CCDC80: variants seen among roughly 807,000 people sequenced by gnomAD.
CCDC80 encodes the protein coiled-coil domain containing 80, also known as coiled-coil domain-containing protein 80.
Under a neutral mutation model 78.7 loss-of-function variants are expected in CCDC80, and 49 were observed. The observed-to-expected ratio is 0.62, with a 90% CI of 0.50 to 0.79. CCDC80 has a LOEUF of 0.79. CCDC80 is among the 30% of genes least tolerant of loss of function. The pLI is 0.00. For synonymous variants in CCDC80, 488 were observed against 447.0 expected (o/e 1.09, Z -1.16); for missense variants, 1,205 against 1,198.6 (o/e 1.01, Z -0.08).
chr3:112,620,016 TATG>T (rs141959065), intron 3 of CCDC80, among the ~76,000 whole-genome samples: 14,827 of 152,210 alleles, frequency 0.097, 823 homozygotes, highest in South Asian at 0.23. Context: ...TTAGCAAATA[TATG>T]ATAACAGGAA....
At position 112,625,727 on chromosome 3, in the gene CCDC80, T is replaced by A. The variant is rs184534187; in HGVS notation, c.2035+4386A>T. Among the ~76,000 whole-genome samples, 634 of 152,204 alleles carry A rather than the reference T, an allele frequency of 4.2e-3. 3 individuals carry two copies. The highest frequency in any genetic ancestry group is 0.014 in the Middle Eastern group (4 of 294). On this transcript the variant is annotated intron_variant, in intron 3 of 7. Transcript: ENST00000206423. ...TGTATTTGTCTAAAAAAGTACTAAA[T>A]GAATAAATAAGGAATTAACAAAAAT... is the stretch of plus-strand genomic sequence containing the variant.
At chr3:112,627,604 G>A (rs1406742937) in intron 3 of CCDC80, among the ~76,000 whole-genome samples, 1 of 152,204 alleles carries the variant, frequency 6.6e-6, no homozygotes, top group Non-Finnish European at 1.5e-5. Flanking sequence ...CCAGCTGAAA[G>A]TCAGTCAAGG....
chr3:112,629,425 T>C (rs1936050634), intron 3 of CCDC80, among the ~76,000 whole-genome samples: 1 of 152,168 alleles, frequency 6.6e-6, no homozygotes, highest in Non-Finnish European at 1.5e-5. Context: ...CTTCTGACTA[T>C]GAGGCTTAAC....
chr3:112,634,875 T>C (rs968715753), intron 2 of CCDC80, among the ~76,000 whole-genome samples: 3 of 152,194 alleles, frequency 2.0e-5, no homozygotes, highest in Non-Finnish European at 4.4e-5. Context: ...CTTCACCACA[T>C]ATTAGCTATA....
At position 112,619,046 on chromosome 3, in the gene CCDC80, G is replaced by A. The variant is rs1439997066; in HGVS notation, c.2094C>T (p.Ile698=). The A allele has an allele frequency of 6.2e-7, 1 of 1,611,170 alleles. No homozygotes were observed. Among genetic ancestry groups the A allele is most frequent in the South Asian group, 1.1e-5 (1 of 90,276 alleles). Residue 698 remains isoleucine, a synonymous_variant, in exon 4 of 8, where the codon ATC becomes ATT. Coordinates refer to ENST00000206423, the MANE Select transcript of CCDC80 (RefSeq NM_199511.3). ...TTCCGTACTCTTTCCTCAGCTCGCTGATGAGACGCTGGTCTACCAAGTCTT... is the reference window on the plus strand; with the variant it reads ...TTCCGTACTCTTTCCTCAGCTCGCTAATGAGACGCTGGTCTACCAAGTCTT... ...DDEDLVDQRL[I]SELRKEYGMT...
intron 6 of CCDC80, among the ~76,000 whole-genome samples, chr3:112,608,182 A>G (rs1935551472): frequency 1.3e-5 from 2 of 152,234 alleles, no homozygotes; most frequent in Non-Finnish European, 2.9e-5. Context: ...TCAAGCCATC[A>G]TATCAAGCTT....
chr3:112,630,414 G>T, intron 2 of CCDC80, 145 bp from the exon 3 acceptor site: 1 of 763,732 alleles, frequency 1.3e-6, no homozygotes. Flanking sequence ...AGCATAATTA[G>T]GACCAAAAAG....
At position 112,638,122 on chromosome 3, in the gene CCDC80, C is replaced by T. The variant is rs1936248791; in HGVS notation, c.1784G>A (p.Gly595Asp). The change falls in exon 2 of 8, where the codon GGC (glycine) becomes GAC (aspartate). Residue 595 changes from glycine to aspartate, a missense_variant. Coordinates refer to ENST00000206423, the MANE Select transcript of CCDC80 (RefSeq NM_199511.3). ...KKKGGKTEQD[G>D]YQKPTNKHFT... ...GTGTTTGTTGGTGGGTTTCTGATAGCCATCCTGTTCTGTTTTACCTCCTTT... is the reference window on the plus strand; with the variant it reads ...GTGTTTGTTGGTGGGTTTCTGATAGTCATCCTGTTCTGTTTTACCTCCTTT... The T allele has an allele frequency of 2.5e-6, 4 of 1,614,138 alleles. No homozygotes were observed. The highest frequency in any genetic ancestry group is 3.4e-6 in the Non-Finnish European group (4 of 1,180,018).
intron 3 of CCDC80, among the ~76,000 whole-genome samples, chr3:112,625,767 G>T (rs1307304053): frequency 6.6e-6 from 1 of 152,134 alleles, no homozygotes; most frequent in Admixed American, 6.5e-5. Flanking sequence ...ACCTGTGGGT[G>T]CAGGGAGTAG....
In CCDC80 at chr3:112,639,459, G is replaced by T; in HGVS notation, c.447C>A (p.Asn149Lys). 6.2e-7 allele frequency: 1 copy of T among 1,614,174 alleles called. No individual in the cohort carries two copies. Among genetic ancestry groups the T allele is most frequent in the Non-Finnish European group, 8.5e-7 (1 of 1,180,040 alleles). The change falls in exon 2 of 8, where the codon AAC becomes AAA. Residue 149 changes from asparagine (N) to lysine (K), a missense_variant. Asn to Lys is a moderately conservative substitution (Grantham distance 94). Coordinates refer to ENST00000206423, the MANE Select transcript of CCDC80 (RefSeq NM_199511.3). ...GAGGGGCTGAGATGACCCATACTCT[G>T]TTCTTCCCTGCAAAGCTGGCAAGGA... ...PNILASFAGK[N>K]RVWVISAPHA...
At chr3:112,628,635 C>T (rs1039205377) in intron 3 of CCDC80, among the ~76,000 whole-genome samples, 1 of 152,156 alleles carries the variant, frequency 6.6e-6, no homozygotes, top group Non-Finnish European at 1.5e-5. Flanking sequence ...TTAAATCTGT[C>T]TGTCTCCAGA....
chr3:112,639,354 G>A lies in CCDC80; in HGVS notation c.552C>T (p.Ile184=), dbSNP rs150275337. 103 of 1,614,130 alleles carry A rather than the reference G, an allele frequency of 6.4e-5. 1 individual carries two copies. In the Middle Eastern group the frequency reaches 2.3e-3, roughly 36 times the overall value. ...CCTGGTGGAAGAGCACAATCTGTTGGATGTGCCTCTCCGCCAGCTCACAGT... is the reference window on the plus strand; with the variant it reads ...CCTGGTGGAAGAGCACAATCTGTTGAATGTGCCTCTCCGCCAGCTCACAGT... ...DVYCELAERH[I]QQIVLFHQAG... Residue 184 remains isoleucine (I), a synonymous_variant, in exon 2 of 8, where the codon ATC becomes ATT. Coordinates refer to ENST00000206423, the MANE Select transcript of CCDC80 (RefSeq NM_199511.3).
chr3:112,602,754 G>A lies in CCDC80; in HGVS notation c.*2663C>T, dbSNP rs752389572. 2 of 152,264 alleles carry A rather than the reference G, an allele frequency of 1.3e-5. No homozygotes were observed. Among genetic ancestry groups the A allele is most frequent in the Non-Finnish European group, 1.5e-5 (1 of 68,084 alleles). 9.4% of individuals were successfully genotyped at this position (152,264 alleles called of 1,614,324 possible). ...GAAGGTAGCAGAGTCTGGTTCATGA[G>A]TTTGAAGAAAAGAAGCCTTGTGCAT... is the stretch of plus-strand genomic sequence containing the variant. On this transcript the variant is annotated 3_prime_UTR_variant, in exon 8 of 8. Transcript: ENST00000206423.
Position 112,636,318 on chromosome 3 carries a change from G to C in CCDC80, c.1878+1710C>G, listed in dbSNP as rs1203132061. ...TGGGAACATTCCCATTTAAATATAT[G>C]TACTCTGAGAATATCCAAGCGACCT... On this transcript the variant is annotated intron_variant, in intron 2 of 7. Transcript: ENST00000206423. 2.0e-5 allele frequency among the ~76,000 whole-genome samples: 3 copies of C among 150,484 alleles called. No individual in the cohort carries two copies. In the South Asian group the frequency reaches 6.2e-4, roughly 31 times the overall value.
intron 7 of CCDC80, 24 bp from the exon 8 acceptor site, chr3:112,605,787 T>C: frequency 1.3e-6 from 2 of 1,578,452 alleles, no homozygotes; most frequent in African/African-American, 1.3e-5. Context: ...GGAATAGTTA[T>C]TGTTAGTAGA....
chr3:112,606,861 T>C (rs1417678105), intron 7 of CCDC80, among the ~76,000 whole-genome samples: 1 of 152,054 alleles, frequency 6.6e-6, no homozygotes, highest in African/African-American at 2.4e-5. Context: ...TGATATAAAA[T>C]AGAAGAAAAT....
intron 2 of CCDC80, 36 bp from the exon 3 acceptor site, chr3:112,630,305 T>G: frequency 6.2e-7 from 1 of 1,605,308 alleles, no homozygotes; most frequent in East Asian, 2.2e-5. Flanking sequence ...TACTCATTTA[T>G]AGTGATAGTT....
chr3:112,610,049 G>A lies in CCDC80; in HGVS notation c.2354C>T (p.Ser785Phe), dbSNP rs867954025. 3.7e-6 allele frequency: 6 copies of A among 1,613,892 alleles called. No homozygotes were observed. The Middle Eastern group carries it at 6.6e-4, about 177-fold the overall frequency. ...FRWRRRLLVI[S>F]APNDEDWAYS... ...GGCCCAGTCTTCATCGTTAGGAGCA[G>A]AGATCACCAGCAACCTCCTCCTCCA... The change falls in exon 6 of 8, where the codon TCT (serine) becomes TTT (phenylalanine). Residue 785 changes from serine to phenylalanine, a missense_variant. Ser to Phe is a radical substitution (Grantham distance 155, BLOSUM62 -2). Transcript: ENST00000206423.
At position 112,603,235 on chromosome 3, in the gene CCDC80, T is replaced by C. The variant is rs1344092502; in HGVS notation, c.*2182A>G. On this transcript the variant is annotated 3_prime_UTR_variant, in exon 8 of 8. Coordinates refer to ENST00000206423, the MANE Select transcript of CCDC80 (RefSeq NM_199511.3). Reference sequence around the variant, plus strand: ...AAAAAAAAAGAATCTTTTAAAAATATTGCTGTTCGGGCCGGGCGCAGTGGC... The same window carrying C: ...AAAAAAAAAGAATCTTTTAAAAATACTGCTGTTCGGGCCGGGCGCAGTGGC... 6.6e-6 allele frequency: 1 copy of C among 152,112 alleles called. No individual in the cohort carries two copies. The highest frequency in any genetic ancestry group is 1.5e-5 in the Non-Finnish European group (1 of 68,024). 9.4% of individuals were successfully genotyped at this position (152,112 alleles called of 1,614,324 possible).
Sources: allele counts gnomAD v4.1 joint callset (sites outside exome capture counted in the v4.1 genomes callset), GRCh38; gene constraint gnomAD v4.1.1; transcripts MANE v1.5; gene names NCBI Gene and HGNC (gene_info 2026-07-23, HGNC 2026-07-21).